SDK2: variants seen among roughly 807,000 people sequenced by gnomAD.
SDK2 encodes the protein sidekick cell adhesion molecule 2.
A neutral mutation model predicts 253.9 loss-of-function variants in SDK2; 105 were observed. The ratio of observed to expected loss-of-function variants is 0.41; its 90% CI spans 0.35 to 0.49. The LOEUF is 0.49. Ranked by LOEUF, SDK2 falls within the 20% of genes least tolerant of loss-of-function variation. The probability of loss-of-function intolerance (pLI) is 0.06; values close to 1 mark genes in which losing one functional copy is unlikely to be tolerated. For missense variants in SDK2, 2,608 were observed against 3,003.0 expected (o/e 0.87, Z 3.07); for synonymous variants, 1,249 against 1,234.9 (o/e 1.01, Z -0.24).
intron 1 of SDK2, among the ~76,000 whole-genome samples, chr17:73,627,103 AG>A (rs2046211821): frequency 6.6e-6 from 1 of 152,198 alleles, no homozygotes; most frequent in Admixed American, 6.5e-5. Flanking sequence ...TCTAGTTGCT[AG>A]GATGGTCACC....
chr17:73,638,194 C>T (rs1003118864), intron 1 of SDK2, among the ~76,000 whole-genome samples: 3 of 152,128 alleles, frequency 2.0e-5, no homozygotes, highest in Admixed American at 6.5e-5. Context: ...GCCAGATGAC[C>T]GTGGGCTGTA....
intron 38 of SDK2, 137 bp downstream of exon 38, chr17:73,365,121 A>G: frequency 1.8e-6 from 1 of 566,338 alleles, no homozygotes; most frequent in Non-Finnish European, 2.8e-6. Flanking sequence ...CTTGTCTGGG[A>G]CTCAGTTTCC....
In SDK2 at chr17:73,444,269, TG is replaced by T. The variant is rs201383414; in HGVS notation, c.613+3345del. Among the ~76,000 whole-genome samples the T allele has an allele frequency of 3.9e-3, 594 of 152,262 alleles. 18 individuals are homozygous for T. The highest frequency in any genetic ancestry group is 0.035 in the Admixed American group (539 of 15,296). ...GCAAGGCCTCAGGCATTTCATGGCGTGGCTCCCTGGGAGACAGCGGGAGTTG... is the reference window on the plus strand; with the variant it reads ...GCAAGGCCTCAGGCATTTCATGGCGTGCTCCCTGGGAGACAGCGGGAGTTG... On this transcript the variant is annotated intron_variant, in intron 5 of 44. Transcript: ENST00000392650.
At position 73,455,928 on chromosome 17, in the gene SDK2, T is replaced by G; in HGVS notation, c.457A>C (p.Lys153Gln). Residue 153 changes from lysine (K) to glutamine (Q), a missense_variant, in exon 4 of 45, where the codon AAG becomes CAG. Coordinates refer to ENST00000392650, the MANE Select transcript of SDK2 (RefSeq NM_001144952.2). The surrounding 1 kb of genome is among the most constrained non-coding windows in gnomAD (Gnocchi z 5.0). ...CACATGCGGCTGCTGGGCGGGATCT[T>G]GCGGCCGTCCCGGAACCAGGTCACC... ...PQVTWFRDGR[K>Q]IPPSSRIAIT... The G allele has an allele frequency of 6.5e-7, 1 of 1,545,198 alleles. No individual in the cohort carries two copies.
At chr17:73,592,005 T>C (rs1027839565) in intron 1 of SDK2, among the ~76,000 whole-genome samples, 1 of 152,184 alleles carries the variant, frequency 6.6e-6, no homozygotes, top group African/African-American at 2.4e-5. Flanking sequence ...GAATGCACCT[T>C]GCAGTTTCTC....
chr17:73,410,505 A>T (rs1315252098), intron 18 of SDK2, among the ~76,000 whole-genome samples: 1 of 152,018 alleles, frequency 6.6e-6, no homozygotes, highest in Non-Finnish European at 1.5e-5. Flanking sequence ...TTCAGTAGAG[A>T]CAAGGTTTCA....
intron 1 of SDK2, among the ~76,000 whole-genome samples, chr17:73,548,489 C>T (rs1395804579): frequency 6.6e-6 from 1 of 152,246 alleles, no homozygotes; most frequent in East Asian, 1.9e-4. Context: ...ATTATTCCTC[C>T]TGGGGTGGGG....
chr17:73,354,798 G>T (rs1044862574), intron 40 of SDK2, among the ~76,000 whole-genome samples: 1 of 152,096 alleles, frequency 6.6e-6, no homozygotes, highest in African/African-American at 2.4e-5. Context: ...TCGCCGTTCT[G>T]CTTCTGCACC....
At chr17:73,342,349 C>T (rs1305923485) in intron 44 of SDK2, among the ~76,000 whole-genome samples, 2 of 152,198 alleles carry the variant, frequency 1.3e-5, no homozygotes, top group Non-Finnish European at 2.9e-5. Flanking sequence ...TCTGTGCCTA[C>T]TGCCCAGCTG....
At chr17:73,378,423 A>C (rs2062801689) in intron 36 of SDK2, among the ~76,000 whole-genome samples, 1 of 145,544 alleles carries the variant, frequency 6.9e-6, no homozygotes, top group Admixed American at 6.6e-5. Flanking sequence ...TTTTAATTTT[A>C]ATTTTTTTTT....
At chr17:73,339,235 G>GT (rs368507991) in intron 44 of SDK2, among the ~76,000 whole-genome samples, 161 of 138,352 alleles carry the variant, frequency 1.2e-3, no homozygotes, top group East Asian at 1.2e-3. Flanking sequence ...TTTTGTTTTT[G>GT]TTTTTTTTTT....
At chr17:73,505,351 G>A (rs147612651) in intron 2 of SDK2, among the ~76,000 whole-genome samples, 23 of 152,306 alleles carry the variant, frequency 1.5e-4, no homozygotes, top group African/African-American at 5.5e-4. Flanking sequence ...AAAATGGGGG[G>A]AAATAACTGA....
intron 24 of SDK2, among the ~76,000 whole-genome samples, chr17:73,396,061 T>C (rs2062968649): frequency 6.6e-6 from 1 of 152,090 alleles, no homozygotes; most frequent in Admixed American, 6.6e-5. Flanking sequence ...CTATGCCTGC[T>C]AAGTTTTGTA....
chr17:73,492,466 CT>C (rs1205921964), intron 2 of SDK2, among the ~76,000 whole-genome samples: 1 of 152,146 alleles, frequency 6.6e-6, no homozygotes, highest in African/African-American at 2.4e-5. Context: ...AGTCACTAGT[CT>C]TCATTCTGCA....
intron 1 of SDK2, among the ~76,000 whole-genome samples, chr17:73,565,633 G>C (rs1211193709): frequency 6.6e-6 from 1 of 152,144 alleles, no homozygotes; most frequent in Non-Finnish European, 1.5e-5. Flanking sequence ...AAAAATTCTA[G>C]ATCTCTAATA....
chr17:73,548,720 C>T (rs1345703007), intron 1 of SDK2, among the ~76,000 whole-genome samples: 2 of 152,310 alleles, frequency 1.3e-5, no homozygotes, highest in East Asian at 3.9e-4. Context: ...CTGCCCAGTC[C>T]TTGCACACTG....
chr17:73,410,472 C>T (rs1258016410), intron 18 of SDK2, among the ~76,000 whole-genome samples: 1 of 152,096 alleles, frequency 6.6e-6, no homozygotes, highest in African/African-American at 2.4e-5. Flanking sequence ...TGTGTGTCAC[C>T]ACACCTGGCT....
chr17:73,437,860 T>C lies in SDK2; in HGVS notation c.917-38A>G, dbSNP rs771131960. ...GGACCAGGGGAGGGGGTCAGAGCCA[T>C]GCTCGCTTTGATCCAGCCACTGTAG... On this transcript the variant is annotated intron_variant, in intron 7 of 44. Coordinates refer to ENST00000392650, the MANE Select transcript of SDK2 (RefSeq NM_001144952.2). 10 of 1,610,078 alleles carry C rather than the reference T, an allele frequency of 6.2e-6. No individual in the cohort carries two copies. In the South Asian group the frequency reaches 8.8e-5, roughly 14 times the overall value.
chr17:73,575,471 C>T (rs141484956), intron 1 of SDK2, among the ~76,000 whole-genome samples: 66 of 152,300 alleles, frequency 4.3e-4, no homozygotes, highest in African/African-American at 1.4e-3. Flanking sequence ...GCAATGTGGA[C>T]GAGAGCTTGG....
Sources: gnomAD v4.1 joint callset for allele counts (sites outside exome capture counted in the v4.1 genomes callset) on GRCh38, gnomAD v4.1.1 for gene constraint, Gnocchi (gnomAD v3.1) non-coding constraint, MANE v1.5 for transcripts, NCBI Gene and HGNC (gene_info 2026-07-23, HGNC 2026-07-21) for gene names.